Variants in PCDHA1 observed in about 807,000 individuals in gnomAD.
The protein encoded by PCDHA1 is protocadherin alpha-1.
Under a neutral mutation model 61.3 loss-of-function variants are expected in PCDHA1, and 42 were observed. The observed-to-expected ratio is 0.69, with a 90% CI of 0.54 to 0.89. PCDHA1 has a LOEUF of 0.89. PCDHA1 is among the 40% of genes least tolerant of loss of function. The probability of loss-of-function intolerance (pLI) is 0.00; values close to 1 mark genes in which losing one functional copy is unlikely to be tolerated. For missense variants in PCDHA1, 1,256 were observed against 1,235.3 expected, an observed-to-expected ratio of 1.02 and a Z score of -0.25; for synonymous variants, 610 against 553.8, an observed-to-expected ratio of 1.10 and a Z score of -1.43.
chr5:140,987,011 C>T (rs1266225593), intron 3 of PCDHA1, among the ~76,000 whole-genome samples: 2 of 152,104 alleles, frequency 1.3e-5, no homozygotes, highest in African/African-American at 4.8e-5. Context: ...GTCATGAGTT[C>T]GAGACCAGCC....
rs35695909 is a variant in PCDHA1, at chr5:140,914,944, C to CTT, written c.2395-63988_2395-63987dup. Among the ~76,000 whole-genome samples the CTT allele has an allele frequency of 2.2e-4, 28 of 128,250 alleles. 1 individual carries two copies. Among genetic ancestry groups the CTT allele is most frequent in the African/African-American group, 3.1e-4 (11 of 35,118 alleles). 84.1% of individuals were successfully genotyped at this position (128,250 alleles called of 152,430 possible). Reference sequence around the variant, plus strand: ...ATTGTACTATGTTGTGAAAAGTTGTCTTTTTTTTTTTTTTTTTTCTGAGTC... The same window carrying CTT: ...ATTGTACTATGTTGTGAAAAGTTGTCTTTTTTTTTTTTTTTTTTTTCTGAGTC... On this transcript the variant is annotated intron_variant, in intron 1 of 3. Transcript: ENST00000504120.
At chr5:140,928,008 T>C in intron 1 of PCDHA1, 1 of 1,614,158 alleles carries the variant, frequency 6.2e-7, no homozygotes, top group Non-Finnish European at 8.5e-7. Context: ...TCGATTCTAA[T>C]GGTAGGGTCA....
intron 1 of PCDHA1, among the ~76,000 whole-genome samples, chr5:140,855,586 G>A (rs2043525650): frequency 1.3e-5 from 2 of 149,676 alleles, no homozygotes; most frequent in Admixed American, 1.3e-4. Context: ...TAAAATATTA[G>A]TATACTCAGT....
intron 1 of PCDHA1, chr5:140,827,813 G>T (rs1489929316): frequency 5.5e-6 from 2 of 360,766 alleles, no homozygotes; most frequent in Admixed American, 4.3e-5. Flanking sequence ...CGTGAGGAGG[G>T]TTTACTATAA....
intron 3 of PCDHA1, among the ~76,000 whole-genome samples, chr5:140,989,227 C>T (rs933142074): frequency 2.6e-5 from 4 of 152,162 alleles, no homozygotes; most frequent in African/African-American, 9.7e-5. Flanking sequence ...TTCTTTGTAG[C>T]TGAAGTTTTA....
chr5:140,795,532 G>A, intron 1 of PCDHA1: 2 of 1,614,100 alleles, frequency 1.2e-6, no homozygotes, highest in Non-Finnish European at 1.7e-6. Context: ...TGAACTAAGC[G>A]AATCTTTGTC....
At chr5:140,863,308 G>A (rs782229195) in intron 1 of PCDHA1, 4 of 1,462,176 alleles carry the variant, frequency 2.7e-6, no homozygotes, top group Non-Finnish European at 3.7e-6. Context: ...CGCCATCTGC[G>A]TGGTGTCCAG....
chr5:140,980,834 C>A (rs1424222678), intron 2 of PCDHA1, among the ~76,000 whole-genome samples: 1 of 151,974 alleles, frequency 6.6e-6, no homozygotes, highest in Non-Finnish European at 1.5e-5. Context: ...AGTTGTGAAC[C>A]TAAATAATAC....
rs1001361083 is a variant in PCDHA1, at chr5:140,788,693, A to G, written c.2394+9A>G. The G allele has an allele frequency of 2.3e-5, 35 of 1,535,054 alleles. No homozygotes were observed. Among genetic ancestry groups the G allele is most frequent in the Non-Finnish European group, 2.9e-5 (33 of 1,141,438 alleles). On this transcript the variant is annotated intron_variant, in intron 1 of 3. Coordinates refer to ENST00000504120, the MANE Select transcript of PCDHA1 (RefSeq NM_018900.4). ...TGGATCTTTCTGGTAATGTAAGTCC[A>G]ACTTTCGAGTTTTGGCTTTAAATAT...
chr5:140,810,382 G>A (rs1475774431), intron 1 of PCDHA1: 1 of 152,156 alleles, frequency 6.6e-6, no homozygotes, highest in Non-Finnish European at 1.5e-5. Context: ...GAATATGTGT[G>A]TATCTTTGTC....
intron 3 of PCDHA1, among the ~76,000 whole-genome samples, chr5:140,987,254 T>C (rs1358606591): frequency 1.3e-5 from 2 of 151,878 alleles, no homozygotes; most frequent in Non-Finnish European, 1.5e-5. Flanking sequence ...AAAGACATTC[T>C]CAGGAATGGG....
intron 1 of PCDHA1, chr5:140,801,788 A>G: frequency 6.2e-7 from 1 of 1,614,048 alleles, no homozygotes; most frequent in East Asian, 2.2e-5. Context: ...TCGTGTTGAA[A>G]AAAAATTTAA....
At chr5:140,907,134 C>A (rs1167927748) in intron 1 of PCDHA1, among the ~76,000 whole-genome samples, 1 of 152,112 alleles carries the variant, frequency 6.6e-6, no homozygotes, top group Non-Finnish European at 1.5e-5. Flanking sequence ...CCTGTGAATT[C>A]CGGCTATGGG....
chr5:140,961,776 A>G (rs1554225585), intron 1 of PCDHA1, among the ~76,000 whole-genome samples: 1 of 152,188 alleles, frequency 6.6e-6, no homozygotes, highest in African/African-American at 2.4e-5. Flanking sequence ...ATCAAGCTTA[A>G]TGGCACTTTT....
At chr5:140,791,609 C>T (rs3756341) in intron 1 of PCDHA1, among the ~76,000 whole-genome samples, 78,367 of 151,932 alleles carry the variant, frequency 0.52, 20,398 homozygotes, top group Middle Eastern at 0.64. Flanking sequence ...GGAAATACAA[C>T]TGTAGGAGAA....
chr5:140,977,541 G>A (rs1164108305), intron 1 of PCDHA1, among the ~76,000 whole-genome samples: 2 of 152,188 alleles, frequency 1.3e-5, no homozygotes, highest in Non-Finnish European at 2.9e-5. Context: ...GAAGCAGCTT[G>A]CATATGCATA....
chr5:140,869,103 G>A, intron 1 of PCDHA1: 1 of 1,600,312 alleles, frequency 6.2e-7, no homozygotes, highest in Non-Finnish European at 8.5e-7. Context: ...TTTCGTATGC[G>A]ATGTTTGGTT....
At chr5:140,814,232 G>GTT (rs1765467987) in intron 1 of PCDHA1, 6 of 146,362 alleles carry the variant, frequency 4.1e-5, no homozygotes, top group African/African-American at 1.6e-4. Context: ...TTTTGTTGTT[G>GTT]TTGTTAAAAA....
Position 140,850,293 on chromosome 5 carries a change from G to T in PCDHA1, c.2394+61609G>T. On this transcript the variant is annotated intron_variant, in intron 1 of 3. Coordinates refer to ENST00000504120, the MANE Select transcript of PCDHA1 (RefSeq NM_018900.4). ...GGGGAAGGTGCGCGCAGTGGACGCC[G>T]ACTCGGGCTACAACGCGTGGCTTTC... 6.3e-6 allele frequency: 10 copies of T among 1,596,280 alleles called. 2 individuals are homozygous for T. The highest frequency in any genetic ancestry group is 8.6e-6 in the Non-Finnish European group (10 of 1,167,618).
Sources: gnomAD v4.1 joint callset for allele counts (sites outside exome capture counted in the v4.1 genomes callset) on GRCh38, gnomAD v4.1.1 for gene constraint, MANE v1.5 for transcripts, NCBI Gene and HGNC (gene_info 2026-07-23, HGNC 2026-07-21) for gene names.